Variants in MEGF8 observed in about 807,000 individuals in gnomAD.
MEGF8 encodes multiple EGF like domains 8.
Under a neutral mutation model 302.9 loss-of-function variants are expected in MEGF8, and 156 were observed. The observed-to-expected ratio is 0.52, with a 90% CI of 0.45 to 0.59. The LOEUF is 0.59. Ranked by LOEUF, MEGF8 falls within the 20% of genes least tolerant of loss-of-function variation. MEGF8 has a pLI of 0.00. For missense variants in MEGF8, 3,345 were observed against 3,964.5 expected (o/e 0.84, Z 4.20); for synonymous variants, 1,621 against 1,660.5 (o/e 0.98, Z 0.58).
intron 35 of MEGF8, among the ~76,000 whole-genome samples, chr19:42,364,806 G>A (rs2039581033): frequency 6.6e-6 from 1 of 152,196 alleles, no homozygotes; most frequent in Admixed American, 6.5e-5. Context: ...TGCTAAAATG[G>A]GAATCATTTC....
Position 42,360,847 on chromosome 19 carries a change from A to G in MEGF8, c.5561A>G (p.Tyr1854Cys), listed in dbSNP as rs2039521214. ...GTGGCAGCAGTCGGGAGCCGCCTGTATATCTCTGGGGGTTTCGGGGGAGTG... is the reference window on the plus strand; with the variant it reads ...GTGGCAGCAGTCGGGAGCCGCCTGTGTATCTCTGGGGGTTTCGGGGGAGTG... ...HAVAAVGSRLYISGGFGGVAL... is the reference protein window; with the variant it reads ...HAVAAVGSRLCISGGFGGVAL... The change falls in exon 32 of 42, where the codon TAT becomes TGT. Residue 1854 changes from tyrosine (Y) to cysteine (C), a missense_variant. Physicochemically the swap from Tyr to Cys is radical, Grantham distance 194. Coordinates refer to ENST00000251268, the MANE Select transcript of MEGF8 (RefSeq NM_001271938.2). 6.2e-7 allele frequency: 1 copy of G among 1,612,998 alleles called. No homozygotes were observed. The highest frequency in any genetic ancestry group is 2.2e-5 in the East Asian group (1 of 44,874).
intron 3 of MEGF8, among the ~76,000 whole-genome samples, chr19:42,334,500 C>T (rs2147447696): frequency 1.3e-5 from 2 of 152,302 alleles, no homozygotes; most frequent in South Asian, 4.1e-4. Flanking sequence ...AGGCCCAAAT[C>T]TGTCCTCCCA....
Position 42,335,273 on chromosome 19 carries a change from A to G in MEGF8, c.740-24A>G, listed in dbSNP as rs2039110478. ...AGGCCCGGCAGCCTATGGCCAGGGC[A>G]TGAGACTATCCACCCCTCCACAGGC... is the stretch of plus-strand genomic sequence containing the variant. On this transcript the variant is annotated intron_variant, in intron 4 of 41. Transcript: ENST00000251268. 6.2e-6 allele frequency: 10 copies of G among 1,613,842 alleles called. No homozygotes were observed. In the Admixed American group the frequency reaches 1.0e-4, roughly 16 times the overall value.
chr19:42,328,590 GGCGAA>G (rs2039015717), intron 1 of MEGF8, among the ~76,000 whole-genome samples: 1 of 151,666 alleles, frequency 6.6e-6, no homozygotes, highest in Non-Finnish European at 1.5e-5. Flanking sequence ...GTGTGTGTGT[GGCGAA>G]GGGGTCTGTG....
rs374751788 is a variant in MEGF8, at chr19:42,335,355, C to T, written c.798C>T (p.Thr266=). The T allele has an allele frequency of 2.5e-6, 4 of 1,613,894 alleles. No individual in the cohort carries two copies. The highest frequency in any genetic ancestry group is 3.4e-6 in the Non-Finnish European group (4 of 1,179,888). Residue 266 remains threonine (T), a synonymous_variant, in exon 5 of 42, where the codon ACC becomes ACT. Transcript: ENST00000251268. ...DLVLYNFSAN[T]WESWDLSPAP... ...TCCTATACAACTTCTCCGCCAACAC[C>T]TGGGAGTCTTGGGACCTGAGTCCTG...
Position 42,357,677 on chromosome 19 carries a change from C to A in MEGF8, c.5011+93C>A. On this transcript the variant is annotated intron_variant, in intron 28 of 41. Coordinates refer to ENST00000251268, the MANE Select transcript of MEGF8 (RefSeq NM_001271938.2). This position sits in a 1 kb window ranked among gnomAD's most constrained non-coding sequence, Gnocchi z 5.2. The stretch of plus-strand genomic sequence containing the variant: ...CTCCATCCACTGCTGTGCTCTGTGG[C>A]CACCTGTCTCCCTCTCTTTCCCATC... The A allele has an allele frequency of 8.9e-7, 1 of 1,123,826 alleles. No homozygotes were observed. Among genetic ancestry groups the A allele is most frequent in the South Asian group, 1.5e-5 (1 of 66,928 alleles). The allele number at this position is 1,123,826 out of a possible 1,614,324, so 69.6% of individuals were successfully genotyped here.
At position 42,326,139 on chromosome 19, in the gene MEGF8, TTATGCCTATAG is replaced by T. The variant is rs2038980371; in HGVS notation, c.-104_-94del. 2 of 1,381,254 alleles carry T rather than the reference TTATGCCTATAG, an allele frequency of 1.4e-6. No individual in the cohort carries two copies. Among genetic ancestry groups the T allele is most frequent in the Admixed American group, 4.0e-5 (1 of 24,960 alleles). 85.6% of individuals were successfully genotyped at this position (1,381,254 alleles called of 1,614,324 possible). ...GACCTCTTCGATCTACAAGGTCATG[TTATGCCTATAG>T]AGGTCGCATTTGCAGGGCCTCACCC... On this transcript the variant is annotated 5_prime_UTR_variant, in exon 1 of 42. An upstream start codon of the reference 5' UTR is lost. Coordinates refer to ENST00000251268, the MANE Select transcript of MEGF8 (RefSeq NM_001271938.2).
rs150607375 is a variant in MEGF8 at position 42,358,892 on chromosome 19, C to G, written c.5281C>G (p.Leu1761Val). Reference sequence around the variant, plus strand: ...CCGGGAAGTCAGGAAGAAGATGGCTCTGTGGGCTGCTCTTGCTGGTACAGG... The same window carrying G: ...CCGGGAAGTCAGGAAGAAGATGGCTGTGTGGGCTGCTCTTGCTGGTACAGG... ...GFREVRKKMA[L>V]WAALAGTGGF... The change falls in exon 30 of 42, where the codon CTG becomes GTG. Residue 1761 changes from leucine to valine, a missense_variant. Physicochemically the swap from Leu to Val is conservative, Grantham distance 32. Transcript: ENST00000251268. The surrounding 1 kb of genome is among the most constrained non-coding windows in gnomAD (Gnocchi z 4.4). 5.8e-4 allele frequency: 939 copies of G among 1,611,558 alleles called. 2 individuals carry two copies. Among genetic ancestry groups the G allele is most frequent in the Non-Finnish European group, 7.5e-4 (879 of 1,179,056 alleles).
At position 42,378,225 on chromosome 19, in the gene MEGF8, G is replaced by A. The variant is rs1398780545; in HGVS notation, c.*1450G>A. On this transcript the variant is annotated 3_prime_UTR_variant, in exon 42 of 42. Transcript: ENST00000251268. ...TGGAAAGAGACAGATGGCACCCTGAGACAGCCCAGAGGTGAATAGGACCCC... is the reference window on the plus strand; with the variant it reads ...TGGAAAGAGACAGATGGCACCCTGAAACAGCCCAGAGGTGAATAGGACCCC... 2.0e-5 allele frequency: 3 copies of A among 152,266 alleles called. No homozygotes were observed. Among genetic ancestry groups the A allele is most frequent in the Admixed American group, 2.0e-4 (3 of 15,282 alleles). 9.4% of individuals were successfully genotyped at this position (152,266 alleles called of 1,614,324 possible).
intron 1 of MEGF8, among the ~76,000 whole-genome samples, chr19:42,330,758 G>A (rs1035173479): frequency 1.3e-5 from 2 of 152,316 alleles, no homozygotes; most frequent in Middle Eastern, 6.8e-3. Context: ...CTGGCCCAGA[G>A]GAATGAAGGT....
At chr19:42,372,074 A>AC (rs1555784681) in intron 41 of MEGF8, among the ~76,000 whole-genome samples, 867 of 78,874 alleles carry the variant, frequency 0.011, 9 homozygotes, top group African/African-American at 0.026. Context: ...AACAACAACA[A>AC]ACACACACAC....
chr19:42,329,235 C>T (rs891114313), intron 1 of MEGF8, among the ~76,000 whole-genome samples: 3 of 152,104 alleles, frequency 2.0e-5, no homozygotes, highest in Non-Finnish European at 4.4e-5. Flanking sequence ...CTGGCCTTCC[C>T]CTTGGGGTTG....
At chr19:42,361,536 C>T (rs952980517) in intron 32 of MEGF8, among the ~76,000 whole-genome samples, 14 of 152,202 alleles carry the variant, frequency 9.2e-5, no homozygotes, top group Non-Finnish European at 1.5e-4. Context: ...GGTTTGATTT[C>T]GGAGTGCTCC....
chr19:42,344,813 A>G lies in MEGF8; in HGVS notation c.2077A>G (p.Asn693Asp). The change falls in exon 12 of 42, where the codon AAT becomes GAT. Residue 693 changes from asparagine to aspartate, a missense_variant. Asn to Asp is a conservative substitution (Grantham distance 23). Transcript: ENST00000251268. This position sits in a 1 kb window ranked among gnomAD's most constrained non-coding sequence, Gnocchi z 4.5. ...CTTGCTCACCTTTCAGCAGCCGCCCAATACCTCCCAGCCTGACAAGGTGGG... is the reference window on the plus strand; with the variant it reads ...CTTGCTCACCTTTCAGCAGCCGCCCGATACCTCCCAGCCTGACAAGGTGGG... Reference protein sequence around the residue: ...LHLLTFQQPPNTSQPDKVSIV... With the variant: ...LHLLTFQQPPDTSQPDKVSIV... The G allele has an allele frequency of 6.3e-7, 1 of 1,593,486 alleles. No homozygotes were observed. The highest frequency in any genetic ancestry group is 8.6e-7 in the Non-Finnish European group (1 of 1,168,158).
In MEGF8 at chr19:42,351,963, G is replaced by A. The variant is rs1009433630; in HGVS notation, c.3101+202G>A. ...CTCCTTTTCCGGCTCTCTGCGATTCGTTTTCTTTCTCCTTGTCTGTTTCTG... is the reference window on the plus strand; with the variant it reads ...CTCCTTTTCCGGCTCTCTGCGATTCATTTTCTTTCTCCTTGTCTGTTTCTG... On this transcript the variant is annotated intron_variant, in intron 18 of 41. Coordinates refer to ENST00000251268, the MANE Select transcript of MEGF8 (RefSeq NM_001271938.2). The surrounding 1 kb of genome is among the most constrained non-coding windows in gnomAD (Gnocchi z 5.6). 1.3e-5 allele frequency among the ~76,000 whole-genome samples: 2 copies of A among 151,728 alleles called. No homozygotes were observed. The highest frequency in any genetic ancestry group is 2.9e-5 in the Non-Finnish European group (2 of 67,970).
intron 12 of MEGF8, among the ~76,000 whole-genome samples, chr19:42,345,158 G>C (rs1453922218): frequency 6.6e-6 from 1 of 152,146 alleles, no homozygotes; most frequent in Non-Finnish European, 1.5e-5. Context: ...TTTAGTAGAA[G>C]ACGAAGTTTC....
rs767460978 is a variant in MEGF8, at chr19:42,375,465, G to T, written c.7270-42G>T. The T allele has an allele frequency of 2.0e-6, 3 of 1,507,108 alleles. No homozygotes were observed. The highest frequency in any genetic ancestry group is 2.4e-5 in the East Asian group (1 of 40,978). 93.4% of individuals were successfully genotyped at this position (1,507,108 alleles called of 1,614,324 possible). ...GCTGCTTGGGGGACAGGCTGGCACC[G>T]CACTCAGCCCTGATGGTCACCGCCT... On this transcript the variant is annotated intron_variant, in intron 41 of 41. Transcript: ENST00000251268. The surrounding 1 kb of genome is among the most constrained non-coding windows in gnomAD (Gnocchi z 7.1).
At position 42,357,031 on chromosome 19, in the gene MEGF8, C is replaced by A. The variant is rs765616363; in HGVS notation, c.4830+50C>A. ...CCCCAGCCCTCACACTGGGCCCTGA[C>A]AGAGACAGCTGTGGTAGCTCCTGCC... On this transcript the variant is annotated intron_variant, in intron 27 of 41. Coordinates refer to ENST00000251268, the MANE Select transcript of MEGF8 (RefSeq NM_001271938.2). The surrounding 1 kb of genome is among the most constrained non-coding windows in gnomAD (Gnocchi z 5.2). 3.3e-6 allele frequency: 5 copies of A among 1,498,802 alleles called. No homozygotes were observed. Among genetic ancestry groups the A allele is most frequent in the Non-Finnish European group, 4.5e-6 (5 of 1,113,160 alleles). The allele number at this position is 1,498,802 out of a possible 1,614,324, so 92.8% of individuals were successfully genotyped here. A position where few individuals can be genotyped will look rare whatever the true frequency, so the allele number is the denominator to read the frequency against.
At position 42,369,477 on chromosome 19, in the gene MEGF8, A is replaced by G. The variant is rs543381419; in HGVS notation, c.6642-54A>G. ...GGGGTAGTTGGTTGGGTGCTAGGCC[A>G]TGAAGCCACGAGGAGGGTGGCCACC... On this transcript the variant is annotated intron_variant, in intron 37 of 41. Coordinates refer to ENST00000251268, the MANE Select transcript of MEGF8 (RefSeq NM_001271938.2). This position sits in a 1 kb window ranked among gnomAD's most constrained non-coding sequence, Gnocchi z 5.7. 1.5e-4 allele frequency: 240 copies of G among 1,560,474 alleles called. 1 individual carries two copies. The East Asian group carries it at 5.2e-3, about 34-fold the overall frequency.
Sources: gnomAD v4.1 joint callset for allele counts (sites outside exome capture counted in the v4.1 genomes callset) on GRCh38, gnomAD v4.1.1 for gene constraint, Gnocchi (gnomAD v3.1) non-coding constraint, MANE v1.5 for transcripts, NCBI Gene and HGNC (gene_info 2026-07-23, HGNC 2026-07-21) for gene names.